AP3B1: variants seen among roughly 807,000 people sequenced by gnomAD.
AP3B1 encodes the protein adaptor related protein complex 3 subunit beta 1.
AP3B1 carries 61 observed loss-of-function variants against 132.5 expected under a neutral mutation model. The ratio of observed to expected loss-of-function variants is 0.46; its 90% confidence interval spans 0.37 to 0.57. The LOEUF is 0.57. Among genes scored for constraint, AP3B1 ranks in the 20% least tolerant of loss-of-function variants. The probability of loss-of-function intolerance (pLI) is 0.00; values close to 1 mark genes in which losing one functional copy is unlikely to be tolerated. For synonymous variants in AP3B1, 388 were observed against 438.3 expected (o/e 0.89, Z 1.43); for missense variants, 1,120 against 1,289.4 (o/e 0.87, Z 2.01).
chr5:78,135,764 TATTC>T, intron 15 of AP3B1, among the ~76,000 whole-genome samples: 1 of 152,184 alleles, frequency 6.6e-6, no homozygotes, highest in East Asian at 1.9e-4. Context: ...AAGCATCTTT[TATTC>T]ATTAACTTTT....
At chr5:78,171,781 T>C (rs772798348) in intron 11 of AP3B1, among the ~76,000 whole-genome samples, 4 of 152,152 alleles carry the variant, frequency 2.6e-5, no homozygotes, top group Non-Finnish European at 5.9e-5. Flanking sequence ...CCACGTTGAG[T>C]AGGAGTGGTG....
intron 20 of AP3B1, among the ~76,000 whole-genome samples, chr5:78,109,869 T>A (rs994431125): frequency 7.9e-5 from 12 of 152,200 alleles, no homozygotes; most frequent in African/African-American, 2.9e-4. Context: ...CCAATATTTT[T>A]AAAAAGTGAA....
intron 22 of AP3B1, among the ~76,000 whole-genome samples, chr5:78,072,000 T>A (rs972604105): frequency 1.3e-5 from 2 of 152,228 alleles, no homozygotes; most frequent in African/African-American, 4.8e-5. Context: ...AGGTCACATA[T>A]TCTATGAAGC....
Position 78,276,773 on chromosome 5 carries a change from G to A in AP3B1, c.129-9178C>T, listed in dbSNP as rs1748794325. 2.0e-5 allele frequency among the ~76,000 whole-genome samples: 3 copies of A among 152,062 alleles called. No homozygotes were observed. In the South Asian group the frequency reaches 6.2e-4, roughly 32 times the overall value. On this transcript the variant is annotated intron_variant, in intron 1 of 26. Coordinates refer to ENST00000255194, the MANE Select transcript of AP3B1 (RefSeq NM_003664.5). ...AGTCCCAGCTACTCAGGAGGCTGAG[G>A]TAGGAGGACCACTTGAGTCTGGGAA...
intron 22 of AP3B1, among the ~76,000 whole-genome samples, chr5:78,056,277 G>A (rs1748810991): frequency 6.6e-6 from 1 of 152,170 alleles, no homozygotes; most frequent in Non-Finnish European, 1.5e-5. Flanking sequence ...CACAACCTCA[G>A]AGCTTCTGTT....
intron 24 of AP3B1, among the ~76,000 whole-genome samples, chr5:78,021,399 G>T (rs757433917): frequency 9.2e-5 from 14 of 152,052 alleles, no homozygotes; most frequent in Non-Finnish European, 1.9e-4. Flanking sequence ...AGGATATGAA[G>T]AATTTAAGAA....
chr5:78,174,695 G>T (rs1449869902), intron 11 of AP3B1, among the ~76,000 whole-genome samples: 1 of 152,250 alleles, frequency 6.6e-6, no homozygotes, highest in African/African-American at 2.4e-5. Context: ...ACTCACTTGA[G>T]GAGGCCATCT....
intron 22 of AP3B1, among the ~76,000 whole-genome samples, chr5:78,049,444 A>G (rs2112121283): frequency 6.6e-6 from 1 of 152,344 alleles, no homozygotes; most frequent in South Asian, 2.1e-4. Flanking sequence ...AGTATGATAC[A>G]GAGACAAAGC....
chr5:78,161,253 C>A (rs1743376020), intron 13 of AP3B1, among the ~76,000 whole-genome samples: 1 of 150,808 alleles, frequency 6.6e-6, no homozygotes, highest in Non-Finnish European at 1.5e-5. Flanking sequence ...CTTTAAAATC[C>A]AAAGCTTGAA....
At chr5:78,119,035 G>C (rs1181224135) in intron 17 of AP3B1, among the ~76,000 whole-genome samples, 1 of 152,100 alleles carries the variant, frequency 6.6e-6, no homozygotes, top group Non-Finnish European at 1.5e-5. Flanking sequence ...CTGTTCTATA[G>C]CCACTGCTGT....
intron 16 of AP3B1, among the ~76,000 whole-genome samples, chr5:78,128,867 C>A (rs911857031): frequency 6.6e-6 from 1 of 151,808 alleles, no homozygotes; most frequent in Non-Finnish European, 1.5e-5. Context: ...TCATCTATTG[C>A]CCAGTTTAAA....
At chr5:78,003,165 G>C (rs933221883) in intron 26 of AP3B1, 110 bp from the exon 27 acceptor site, 2 of 1,307,338 alleles carry the variant, frequency 1.5e-6, no homozygotes, top group African/African-American at 1.5e-5. Flanking sequence ...GAAATAATTT[G>C]CTGCAGGCTC....
intron 2 of AP3B1, among the ~76,000 whole-genome samples, chr5:78,255,338 T>C (rs1211088537): frequency 2.0e-5 from 3 of 151,928 alleles, no homozygotes; most frequent in Non-Finnish European, 4.4e-5. Context: ...ATTGATCTGT[T>C]GCCCACAAAA....
intron 22 of AP3B1, among the ~76,000 whole-genome samples, chr5:78,057,325 C>A (rs252779): frequency 0.27 from 40,492 of 151,986 alleles, 6,015 homozygotes; most frequent in Admixed American, 0.4. Context: ...AGCAGTGGAC[C>A]CTTAGGGTTC....
chr5:78,267,548 T>C lies in AP3B1; in HGVS notation c.176A>G (p.Lys59Arg), dbSNP rs1300050218. The C allele has an allele frequency of 2.5e-6, 4 of 1,611,736 alleles. No individual in the cohort carries two copies. Among genetic ancestry groups the C allele is most frequent in the Admixed American group, 1.7e-5 (1 of 59,896 alleles). The stretch of plus-strand genomic sequence containing the variant: ...AACAATCCGCTTCATAGCATCCAGT[T>C]TAGCAGAATCTTTGTTGCTCTCTAA... ...QMLESNKDSA[K>R]LDAMKRIVGM... The change falls in exon 2 of 27, where the codon AAA (lysine) becomes AGA (arginine). Residue 59 changes from lysine to arginine, a missense_variant. By Grantham distance (26) the Lys-to-Arg change is conservative. Coordinates refer to ENST00000255194, the MANE Select transcript of AP3B1 (RefSeq NM_003664.5).
intron 11 of AP3B1, among the ~76,000 whole-genome samples, chr5:78,172,592 C>A (rs1198559225): frequency 6.6e-6 from 1 of 152,134 alleles, no homozygotes; most frequent in Non-Finnish European, 1.5e-5. Flanking sequence ...TCTCCTTTAT[C>A]ATTTTTTAAT....
chr5:78,110,285 A>T lies in AP3B1; in HGVS notation c.2319T>A (p.Ser773Arg). The T allele has an allele frequency of 6.2e-7, 1 of 1,609,332 alleles. No individual in the cohort carries two copies. The highest frequency in any genetic ancestry group is 8.5e-7 in the Non-Finnish European group (1 of 1,176,868). The change falls in exon 20 of 27, where the codon AGT becomes AGA. Residue 773 changes from serine to arginine, a missense_variant. By Grantham distance (110) the Ser-to-Arg change is moderately radical (BLOSUM62 -1). Transcript: ENST00000255194. ...AATCGGAAGAACTGTCTTCTATTGA[A>T]CTAGATTCGTCATTTGAAGAATCTG... Reference protein sequence around the residue: ...KTSDSSNDESSSIEDSSSDSE... With the variant: ...KTSDSSNDESRSIEDSSSDSE...
At chr5:78,084,521 CAAAAAAA>C (rs568637894) in intron 22 of AP3B1, among the ~76,000 whole-genome samples, 262 of 43,986 alleles carry the variant, frequency 6.0e-3, no homozygotes, top group East Asian at 0.016. Flanking sequence ...CAGACCCTGT[CAAAAAAA>C]AAAAAAAAAA....
At chr5:78,232,338 A>G (rs768117070) in intron 3 of AP3B1, among the ~76,000 whole-genome samples, 3 of 152,218 alleles carry the variant, frequency 2.0e-5, no homozygotes, top group Admixed American at 1.3e-4. Context: ...CTGAATGAAC[A>G]AGTTTTCTTG....
Sources: allele counts gnomAD v4.1 joint callset (sites outside exome capture counted in the v4.1 genomes callset), GRCh38; gene constraint gnomAD v4.1.1; transcripts MANE v1.5; gene names NCBI Gene and HGNC (gene_info 2026-07-23, HGNC 2026-07-21).